CYP4F3: variants seen among roughly 807,000 people sequenced by gnomAD.
CYP4F3 encodes the protein cytochrome P450 4F3.
CYP4F3 carries 50 observed loss-of-function variants against 54.8 expected under a neutral mutation model. The observed-to-expected ratio is 0.91, with a 90% CI of 0.73 to 1.16. The LOEUF is 1.16. CYP4F3 is among the 50% of genes most tolerant of loss of function. The pLI, the probability that CYP4F3 is intolerant of heterozygous loss-of-function variation, is 0.00. For synonymous variants in CYP4F3, 244 were observed against 262.6 expected (o/e 0.93, Z 0.69); for missense variants, 715 against 676.2 (o/e 1.06, Z -0.64).
intron 2 of CYP4F3, among the ~76,000 whole-genome samples, chr19:15,642,915 T>C (rs568049323): frequency 1.7e-3 from 259 of 151,618 alleles, no homozygotes; most frequent in African/African-American, 5.9e-3. Flanking sequence ...GATGGATGGA[T>C]GGATGGATAA....
At position 15,660,661 on chromosome 19, in the gene CYP4F3, T is replaced by C. The variant is rs1218240255; in HGVS notation, c.*1276T>C. The C allele has an allele frequency of 6.6e-6, 1 of 152,038 alleles. No homozygotes were observed. The highest frequency in any genetic ancestry group is 1.5e-5 in the Non-Finnish European group (1 of 68,024). The allele number at this position is 152,038 out of a possible 1,614,324, so 9.4% of individuals were successfully genotyped here. On this transcript the variant is annotated 3_prime_UTR_variant, in exon 13 of 13. Transcript: ENST00000221307. ...AAAGTAAGTCTCTGCCCTAGGCACA[T>C]CAGATCACCTGGGGACCACTCCAGA...
chr19:15,650,692 CTT>C (rs200702202), intron 7 of CYP4F3, among the ~76,000 whole-genome samples: 6 of 55,192 alleles, frequency 1.1e-4, no homozygotes, highest in African/African-American at 4.0e-4. Flanking sequence ...TTCTTTCTTT[CTT>C]TCTTTCTTTC....
chr19:15,652,602 A>G lies in CYP4F3; in HGVS notation c.952A>G (p.Ile318Val), dbSNP rs746070418. 8.7e-6 allele frequency: 14 copies of G among 1,614,220 alleles called. No homozygotes were observed. The highest frequency in any genetic ancestry group is 1.2e-5 in the Non-Finnish European group (14 of 1,180,030). Residue 318 changes from isoleucine (I) to valine (V), a missense_variant, in exon 8 of 13, where the codon ATA becomes GTA. Coordinates refer to ENST00000221307, the MANE Select transcript of CYP4F3 (RefSeq NM_000896.3). ...TGGGAAGAAGTTGTCCGATGAGGAC[A>G]TAAGAGCAGAAGCTGACACCTTTAT... is the stretch of plus-strand genomic sequence containing the variant. ...EDGKKLSDED[I>V]RAEADTFMFE...
At position 15,660,743 on chromosome 19, in the gene CYP4F3, G is replaced by A. The variant is rs932344966; in HGVS notation, c.*1358G>A. On this transcript the variant is annotated 3_prime_UTR_variant, in exon 13 of 13. Transcript: ENST00000221307. ...AATTTTTTTTTTTTTTTGAGATGGA[G>A]TCTCGCTCTGTTGCCCAGGCTGGAG... The A allele has an allele frequency of 5.3e-5, 8 of 149,574 alleles. No homozygotes were observed. Among genetic ancestry groups the A allele is most frequent in the African/African-American group, 2.0e-4 (8 of 40,218 alleles). The allele number at this position is 149,574 out of a possible 1,614,324, so 9.3% of individuals were successfully genotyped here.
chr19:15,645,968 A>G lies in CYP4F3; in HGVS notation c.343+105A>G, dbSNP rs1972614432. 11 of 1,405,936 alleles carry G rather than the reference A, an allele frequency of 7.8e-6. 1 individual carries two copies. Among genetic ancestry groups the G allele is most frequent in the Middle Eastern group, 1.9e-4 (1 of 5,316 alleles). 87.1% of individuals were successfully genotyped at this position (1,405,936 alleles called of 1,614,324 possible). On this transcript the variant is annotated intron_variant, in intron 3 of 12. Transcript: ENST00000221307. ...CAGCGGGTCGCGTGCCCATGTGCAG[A>G]CAGGAGGGGCTGTGGTGGAGATGCC...
Position 15,647,225 on chromosome 19 carries a change from A to G in CYP4F3, c.426A>G (p.Glu142=). ...ATGGGCTCCTGCTGAGTGCTGGTGA[A>G]AAGTGGAGCCGCCACCGTCGGATGC... ...LGDGLLLSAG[E]KWSRHRRMLT... is the part of the protein sequence containing the mutation. The change falls in exon 5 of 13, where the codon GAA becomes GAG. Residue 142 remains glutamate (E), a synonymous_variant. Coordinates refer to ENST00000221307, the MANE Select transcript of CYP4F3 (RefSeq NM_000896.3). The G allele has an allele frequency of 6.2e-7, 1 of 1,614,214 alleles. No homozygotes were observed. Among genetic ancestry groups the G allele is most frequent in the Non-Finnish European group, 8.5e-7 (1 of 1,180,034 alleles).
chr19:15,653,521 T>C (rs570579947), intron 9 of CYP4F3, among the ~76,000 whole-genome samples: 1 of 152,236 alleles, frequency 6.6e-6, no homozygotes, highest in South Asian at 2.1e-4. Context: ...TTCCAGGTGC[T>C]CCCAGCCTGG....
intron 9 of CYP4F3, among the ~76,000 whole-genome samples, chr19:15,653,432 T>G (rs987214795): frequency 2.0e-5 from 3 of 152,158 alleles, no homozygotes; most frequent in African/African-American, 7.2e-5. Context: ...ACTCTCATAC[T>G]GCATTCCAAC....
Position 15,650,816 on chromosome 19 carries a change from T to TTCTCTCTCTTC in CYP4F3, c.918+636_918+637insCTCTCTTCTCT, listed in dbSNP as rs1568398354. Among the ~76,000 whole-genome samples the TTCTCTCTCTTC allele has an allele frequency of 8.6e-3, 308 of 35,850 alleles. 40 individuals are homozygous for TTCTCTCTCTTC. Among genetic ancestry groups the TTCTCTCTCTTC allele is most frequent in the Middle Eastern group, 0.012 (1 of 82 alleles). 23.5% of individuals were successfully genotyped at this position (35,850 alleles called of 152,430 possible). On this transcript the variant is annotated intron_variant, in intron 7 of 12. Coordinates refer to ENST00000221307, the MANE Select transcript of CYP4F3 (RefSeq NM_000896.3). ...CTTTCTTTCTCTCTCTTCTCTTTCT[T>TTCTCTCTCTTC]TCTTTCTTTCTTTCTTTCTTTCTTT...
At chr19:15,642,378 A>C (rs970378706) in intron 2 of CYP4F3, among the ~76,000 whole-genome samples, 1 of 152,050 alleles carries the variant, frequency 6.6e-6, no homozygotes, top group East Asian at 1.9e-4. Flanking sequence ...AGTTAGAGTC[A>C]CCTCTGCTCC....
At chr19:15,658,700 G>A (rs549547977) in intron 11 of CYP4F3, 27 bp from the exon 12 acceptor site, 105 of 1,613,096 alleles carry the variant, frequency 6.5e-5, no homozygotes, top group Middle Eastern at 1.7e-4. Context: ...GACCCCACCC[G>A]GCAACCCTTC....
At position 15,659,635 on chromosome 19, in the gene CYP4F3, A is replaced by G. The variant is rs35840993; in HGVS notation, c.*250A>G. On this transcript the variant is annotated 3_prime_UTR_variant, in exon 13 of 13. Transcript: ENST00000221307. ...TACCAGATGAAAGGATAAACAAAAT[A>G]TGGTCCATCCATACAATGGAGTATT... 517 of 583,188 alleles carry G rather than the reference A, an allele frequency of 8.9e-4. No homozygotes were observed. The highest frequency in any genetic ancestry group is 6.7e-3 in the African/African-American group (352 of 52,704). The allele number at this position is 583,188 out of a possible 1,614,324, so 36.1% of individuals were successfully genotyped here. A position where few individuals can be genotyped will look rare whatever the true frequency, so the allele number is the denominator to read the frequency against.
At chr19:15,645,647 C>T (rs952786296) in intron 2 of CYP4F3, 72 bp from the exon 3 acceptor site, 6 of 1,508,500 alleles carry the variant, frequency 4.0e-6, no homozygotes, top group Non-Finnish European at 5.4e-6. Context: ...AGGGCTTCCA[C>T]CTCTTCCCTG....
In CYP4F3 at chr19:15,645,603, G is replaced by A; in HGVS notation, c.199-116G>A. The A allele has an allele frequency of 2.9e-6, 4 of 1,377,906 alleles. No homozygotes were observed. In the South Asian group the frequency reaches 5.6e-5, roughly 19 times the overall value. 85.4% of individuals were successfully genotyped at this position (1,377,906 alleles called of 1,614,324 possible). A position where few individuals can be genotyped will look rare whatever the true frequency, so the allele number is the denominator to read the frequency against. ...GCCCAGTGGGGGCTCAGCACTGAGA[G>A]GGAGATGAGATGCTGCTTGAAATTC... On this transcript the variant is annotated intron_variant, in intron 2 of 12. Coordinates refer to ENST00000221307, the MANE Select transcript of CYP4F3 (RefSeq NM_000896.3).
rs561101783 is a variant in CYP4F3, at chr19:15,650,274, C to A, written c.918+91C>A. The A allele has an allele frequency of 6.5e-5, 105 of 1,610,458 alleles. 2 individuals are homozygous for A. The South Asian group carries it at 1.1e-3, about 17-fold the overall frequency. On this transcript the variant is annotated intron_variant, in intron 7 of 12. Coordinates refer to ENST00000221307, the MANE Select transcript of CYP4F3 (RefSeq NM_000896.3). Reference sequence around the variant, plus strand: ...GAATTTGAACTTGACCCAGAGGGCACTGGGGAGCCATGGAAGGTGATTGAG... The same window carrying A: ...GAATTTGAACTTGACCCAGAGGGCAATGGGGAGCCATGGAAGGTGATTGAG...
In CYP4F3 at chr19:15,658,801, A is replaced by G. The variant is rs763684536; in HGVS notation, c.1389A>G (p.Ala463=). The G allele has an allele frequency of 1.1e-4, 171 of 1,613,958 alleles. No homozygotes were observed. The highest frequency in any genetic ancestry group is 1.4e-4 in the Non-Finnish European group (168 of 1,180,004). ...CTCTGGCTTTTATTCCCTTCTCAGCAGGGCCCAGGTAAGAGCGGCCTGTGT... is the reference window on the plus strand; with the variant it reads ...CTCTGGCTTTTATTCCCTTCTCAGCGGGGCCCAGGTAAGAGCGGCCTGTGT... The part of the protein sequence containing the change: ...RSPLAFIPFS[A]GPRNCIGQAF... The change falls in exon 12 of 13, where the codon GCA becomes GCG. Residue 463 remains alanine, a synonymous_variant. Coordinates refer to ENST00000221307, the MANE Select transcript of CYP4F3 (RefSeq NM_000896.3).
rs1170369544 is a variant in CYP4F3, at chr19:15,647,395, G to C, written c.525+71G>C. 10 of 1,597,326 alleles carry C rather than the reference G, an allele frequency of 6.3e-6. No individual in the cohort carries two copies. In the Admixed American group the frequency reaches 1.7e-4, roughly 27 times the overall value. On this transcript the variant is annotated intron_variant, in intron 5 of 12. Transcript: ENST00000221307. ...GGGAACCACAGACAGATCTAGTCTG[G>C]AATTTTGGCTCTGCTGGGTGCCTCT...
intron 4 of CYP4F3, 26 bp from the exon 5 acceptor site, chr19:15,647,171 C>T (rs772083588): frequency 6.2e-7 from 1 of 1,614,100 alleles, no homozygotes; most frequent in Non-Finnish European, 8.5e-7. Context: ...GATGCCCTTG[C>T]CCATGGCCCT....
intron 9 of CYP4F3, among the ~76,000 whole-genome samples, chr19:15,656,062 A>C (rs1156871176): frequency 4.0e-5 from 6 of 151,898 alleles, no homozygotes; most frequent in Non-Finnish European, 8.8e-5. Context: ...CCAACATTTC[A>C]CCCTTCTCTG....
Sources: gnomAD v4.1 joint callset for allele counts (sites outside exome capture counted in the v4.1 genomes callset) on GRCh38, gnomAD v4.1.1 for gene constraint, MANE v1.5 for transcripts, NCBI Gene and HGNC (gene_info 2026-07-23, HGNC 2026-07-21) for gene names.